Variants in ZNF131 observed in about 807,000 individuals in gnomAD.
ZNF131 encodes zinc finger protein 131.
ZNF131 carries 7 observed loss-of-function variants against 60.0 expected under a neutral mutation model. The ratio of observed to expected loss-of-function variants is 0.12; its 90% CI spans 0.07 to 0.22. The LOEUF is 0.22. Ranked by LOEUF, ZNF131 falls within the 10% of genes least tolerant of loss-of-function variation. ZNF131 has a pLI of 1.00. For synonymous variants in ZNF131, 257 were observed against 253.2 expected (o/e 1.01, Z -0.14); for missense variants, 493 against 740.9 (o/e 0.67, Z 3.88).
intron 3 of ZNF131, chr5:43,124,959 G>A (rs1490994369): frequency 6.6e-6 from 1 of 151,940 alleles, no homozygotes; most frequent in East Asian, 1.9e-4. Flanking sequence ...GGGCCCAGGA[G>A]GTCAAAGCTG....
At chr5:43,129,847 G>A (rs911950194) in intron 3 of ZNF131, among the ~76,000 whole-genome samples, 2 of 151,954 alleles carry the variant, frequency 1.3e-5, no homozygotes, top group Non-Finnish European at 2.9e-5. Flanking sequence ...TAGAGACGGC[G>A]GGGTTTCACC....
At chr5:43,168,931 A>T (rs1267814249) in intron 5 of ZNF131, among the ~76,000 whole-genome samples, 2 of 152,222 alleles carry the variant, frequency 1.3e-5, no homozygotes, top group Non-Finnish European at 2.9e-5. Flanking sequence ...TTAACTTAGA[A>T]AAAAATACGT....
intron 5 of ZNF131, among the ~76,000 whole-genome samples, chr5:43,169,698 G>A (rs1032037469): frequency 6.6e-6 from 1 of 152,162 alleles, no homozygotes; most frequent in Admixed American, 6.5e-5. Flanking sequence ...TACAGACTAT[G>A]CTGTAGTAAG....
chr5:43,165,985 A>G (rs1324283423), intron 5 of ZNF131, among the ~76,000 whole-genome samples: 1 of 152,208 alleles, frequency 6.6e-6, no homozygotes, highest in African/African-American at 2.4e-5. Flanking sequence ...TGTTATAGAA[A>G]TTCCTTAAAT....
chr5:43,126,505 G>A (rs1467823307), intron 3 of ZNF131, among the ~76,000 whole-genome samples: 1 of 152,144 alleles, frequency 6.6e-6, no homozygotes, highest in African/African-American at 2.4e-5. Flanking sequence ...CACAAATTTA[G>A]AGGACGTTTC....
At chr5:43,131,614 T>A (rs578190492) in intron 3 of ZNF131, among the ~76,000 whole-genome samples, 2 of 152,320 alleles carry the variant, frequency 1.3e-5, no homozygotes, top group African/African-American at 4.8e-5. Flanking sequence ...TCTAATACAT[T>A]TGAGAATCCT....
At chr5:43,150,708 C>G (rs1252829830) in intron 4 of ZNF131, among the ~76,000 whole-genome samples, 2 of 152,178 alleles carry the variant, frequency 1.3e-5, no homozygotes, top group Admixed American at 1.3e-4. Context: ...AGGAGAATTG[C>G]TGAGGCTGCA....
intron 4 of ZNF131, among the ~76,000 whole-genome samples, chr5:43,158,153 A>C (rs1749187128): frequency 6.6e-6 from 1 of 151,914 alleles, no homozygotes; most frequent in Non-Finnish European, 1.5e-5. Flanking sequence ...TTTTTAGTAG[A>C]GACAGGGTTT....
chr5:43,122,184 A>G lies in ZNF131; in HGVS notation c.124+7A>G, dbSNP rs1426852417. On this transcript the variant is annotated splice_region_variant and intron_variant, in intron 2 of 6. Coordinates refer to ENST00000682664, the MANE Select transcript of ZNF131 (RefSeq NM_001330707.2). ...ATCACCCTAATTGTCGACGGTGGGT[A>G]GGGCAGTGGGCAGAGGAGCGAATTT... The G allele has an allele frequency of 2.6e-6, 4 of 1,546,866 alleles. No individual in the cohort carries two copies. The highest frequency in any genetic ancestry group is 1.4e-5 in the African/African-American group (1 of 71,768).
intron 4 of ZNF131, chr5:43,143,434 T>G: frequency 7.0e-7 from 1 of 1,431,460 alleles, no homozygotes; most frequent in South Asian, 1.6e-5. Context: ...TCTCCACTGT[T>G]GCAAGTTTAT....
At chr5:43,142,011 GT>G (rs1212080432) in intron 4 of ZNF131, among the ~76,000 whole-genome samples, 2 of 151,788 alleles carry the variant, frequency 1.3e-5, no homozygotes, top group Non-Finnish European at 2.9e-5. Context: ...TTATTTTACT[GT>G]TTCTTTGTAT....
In ZNF131 at chr5:43,176,239, A is replaced by T. The variant is rs1435640772; in HGVS notation, c.*1106A>T. ...TATTACTTGGAAAATAAAATATAAC[A>T]AACCCATAGACCAATATGCTATTTT... On this transcript the variant is annotated 3_prime_UTR_variant, in exon 7 of 7. Coordinates refer to ENST00000682664, the MANE Select transcript of ZNF131 (RefSeq NM_001330707.2). 6.6e-6 allele frequency: 1 copy of T among 152,206 alleles called. No homozygotes were observed. The highest frequency in any genetic ancestry group is 6.5e-5 in the Admixed American group (1 of 15,282). 9.4% of individuals were successfully genotyped at this position (152,206 alleles called of 1,614,324 possible).
In ZNF131 at chr5:43,174,825, G is replaced by A. The variant is rs750468703; in HGVS notation, c.1564G>A (p.Val522Met). ...HMSELPEQVQVSYLEVGRIQT... is the reference protein window; with the variant it reads ...HMSELPEQVQMSYLEVGRIQT... Reference sequence around the variant, plus strand: ...GAGTGAGCTTCCAGAGCAGGTCCAAGTGAGTTATCTAGAAGTGGGCCGAAT... The same window carrying A: ...GAGTGAGCTTCCAGAGCAGGTCCAAATGAGTTATCTAGAAGTGGGCCGAAT... The change falls in exon 7 of 7, where the codon GTG (valine) becomes ATG (methionine). Residue 522 changes from valine (V) to methionine (M), a missense_variant. Transcript: ENST00000682664. The A allele has an allele frequency of 3.1e-6, 5 of 1,614,194 alleles. No individual in the cohort carries two copies. Among genetic ancestry groups the A allele is most frequent in the East Asian group, 4.5e-5 (2 of 44,880 alleles).
chr5:43,156,951 C>G (rs1749039939), intron 4 of ZNF131, among the ~76,000 whole-genome samples: 1 of 150,910 alleles, frequency 6.6e-6, no homozygotes, highest in African/African-American at 2.4e-5. Flanking sequence ...CTGGTTTTAA[C>G]ATAAAGGTTA....
intron 4 of ZNF131, among the ~76,000 whole-genome samples, chr5:43,149,477 A>G (rs1561420110): frequency 6.6e-6 from 1 of 152,180 alleles, no homozygotes; most frequent in Non-Finnish European, 1.5e-5. Context: ...GTTTTTGGCT[A>G]TTAGAAATAA....
At chr5:43,152,173 T>G (rs1402923233) in intron 4 of ZNF131, among the ~76,000 whole-genome samples, 3 of 152,060 alleles carry the variant, frequency 2.0e-5, no homozygotes, top group Non-Finnish European at 4.4e-5. Context: ...GAGCTAACTT[T>G]TGTGTTTTTA....
chr5:43,137,197 A>G (rs762261466), intron 3 of ZNF131, among the ~76,000 whole-genome samples: 12 of 152,222 alleles, frequency 7.9e-5, no homozygotes, highest in Non-Finnish European at 1.3e-4. Context: ...ACAACAGAAA[A>G]TAAGACAGGT....
At chr5:43,153,463 T>TAAA (rs35596507) in intron 4 of ZNF131, among the ~76,000 whole-genome samples, 1,428 of 61,132 alleles carry the variant, frequency 0.023, 88 homozygotes, top group East Asian at 0.11. Flanking sequence ...CCATCTCTAC[T>TAAA]AAAAAAAAAA....
chr5:43,153,491 C>CAAAAAAAAAAA (rs1748587184), intron 4 of ZNF131, among the ~76,000 whole-genome samples: 7 of 86,824 alleles, frequency 8.1e-5, no homozygotes, highest in African/African-American at 2.7e-4. Context: ...AAAAAAAAAG[C>CAAAAAAAAAAA]AAAATTAGCT....
Sources: gnomAD v4.1 joint callset for allele counts (sites outside exome capture counted in the v4.1 genomes callset) on GRCh38, gnomAD v4.1.1 for gene constraint, MANE v1.5 for transcripts, NCBI Gene and HGNC (gene_info 2026-07-23, HGNC 2026-07-21) for gene names.